UBAP1: variants seen among roughly 807,000 people sequenced by gnomAD.
UBAP1 encodes ubiquitin-associated protein 1.
Under a neutral mutation model 39.0 loss-of-function variants are expected in UBAP1, and 5 were observed. The observed-to-expected ratio is 0.13, with a 90% CI of 0.07 to 0.27. The LOEUF (loss-of-function observed/expected upper bound fraction) is 0.27, where lower values mean the gene tolerates loss of function less well. Ranked by LOEUF, UBAP1 falls within the 10% of genes least tolerant of loss-of-function variation. The pLI is 1.00. For synonymous variants in UBAP1, 211 were observed against 225.1 expected (o/e 0.94, Z 0.56); for missense variants, 490 against 608.1 (o/e 0.81, Z 2.04).
intron 2 of UBAP1, among the ~76,000 whole-genome samples, chr9:34,229,260 CTT>C (rs1263815683): frequency 1.6e-4 from 23 of 141,372 alleles, no homozygotes; most frequent in Non-Finnish European, 1.4e-4. Context: ...GGATTTTTAT[CTT>C]TTTTTTTTTT....
chr9:34,223,644 G>C (rs1832879888), intron 2 of UBAP1, among the ~76,000 whole-genome samples: 1 of 151,972 alleles, frequency 6.6e-6, no homozygotes, highest in Non-Finnish European at 1.5e-5. Context: ...TTTAGTAGAG[G>C]CGGGGTTTTA....
chr9:34,209,651 T>C (rs1831907713), intron 1 of UBAP1, among the ~76,000 whole-genome samples: 1 of 152,368 alleles, frequency 6.6e-6, no homozygotes, highest in Non-Finnish European at 1.5e-5. Flanking sequence ...CACTGATTTA[T>C]TCTTTGTTCT....
Position 34,249,757 on chromosome 9 carries a change from A to C in UBAP1, c.1084-22A>C, listed in dbSNP as rs1020890485. 6 of 1,610,982 alleles carry C rather than the reference A, an allele frequency of 3.7e-6. No homozygotes were observed. The African/African-American group carries it at 8.0e-5, about 22-fold the overall frequency. ...TTGGGGGCCCAGGTCTTCTTGCCTT[A>C]ATCTTCTTGTTTTTCCACTAGGTCA... On this transcript the variant is annotated intron_variant, in intron 4 of 6. Coordinates refer to ENST00000297661, the MANE Select transcript of UBAP1 (RefSeq NM_016525.5).
At chr9:34,240,190 C>T (rs75558185) in intron 3 of UBAP1, among the ~76,000 whole-genome samples, 1 of 152,102 alleles carries the variant, frequency 6.6e-6, no homozygotes, top group Non-Finnish European at 1.5e-5. Context: ...GCCCAGTGAT[C>T]CCCCCATATG....
intron 3 of UBAP1, among the ~76,000 whole-genome samples, chr9:34,237,617 G>A (rs1425520737): frequency 1.3e-5 from 2 of 152,026 alleles, no homozygotes; most frequent in Non-Finnish European, 2.9e-5. Context: ...ACTCAGGGTG[G>A]AGTCTAGTGG....
At chr9:34,188,519 G>A (rs1038198402) in intron 1 of UBAP1, among the ~76,000 whole-genome samples, 4 of 148,394 alleles carry the variant, frequency 2.7e-5, no homozygotes, top group African/African-American at 5.0e-5. Context: ...CACCTGCTTC[G>A]GCCTCCCCAA....
chr9:34,220,587 A>C, intron 1 of UBAP1: 1 of 207,456 alleles, frequency 4.8e-6, no homozygotes. Flanking sequence ...CGGCCTCACA[A>C]AGTACTGGGA....
intron 6 of UBAP1, 148 bp downstream of exon 6, chr9:34,250,907 T>G: frequency 1.4e-6 from 1 of 718,290 alleles, no homozygotes; most frequent in Non-Finnish European, 2.5e-6. Context: ...TCCCAAGTAT[T>G]CAGACAGGCC....
chr9:34,182,164 A>ATTTATTTG (rs1409992699), intron 1 of UBAP1, among the ~76,000 whole-genome samples: 2 of 52,490 alleles, frequency 3.8e-5, no homozygotes, highest in African/African-American at 1.1e-4. Context: ...CCTGACGTTT[A>ATTTATTTG]TTTATTTATT....
rs567913618 is a variant in UBAP1, at chr9:34,207,992, A to G, written c.-7-12916A>G. 8.3e-4 allele frequency among the ~76,000 whole-genome samples: 127 copies of G among 152,260 alleles called. 2 individuals are homozygous for G. The highest frequency in any genetic ancestry group is 3.4e-3 in the Middle Eastern group (1 of 294). The stretch of plus-strand genomic sequence containing the variant: ...TTGTCTTGTTGCTGTCCTTCGTGGG[A>G]ATACTTCTGTAGTCTCCCCACTAGT... On this transcript the variant is annotated intron_variant, in intron 1 of 6. Transcript: ENST00000297661.
chr9:34,190,402 G>T (rs1048633826), intron 1 of UBAP1, among the ~76,000 whole-genome samples: 3 of 151,904 alleles, frequency 2.0e-5, no homozygotes, highest in African/African-American at 7.3e-5. Context: ...CGATTCTCCT[G>T]CCTCAGCCTC....
In UBAP1 at chr9:34,224,417, A is replaced by G. The variant is rs555669222; in HGVS notation, c.34+3469A>G. ...TCGATGATCCTTGTTTTGCAAATAC[A>G]ACGCTGAGCCCCAGGAGAAATTCCC... On this transcript the variant is annotated intron_variant, in intron 2 of 6. Coordinates refer to ENST00000297661, the MANE Select transcript of UBAP1 (RefSeq NM_016525.5). 2.2e-5 allele frequency: 9 copies of G among 407,610 alleles called. No individual in the cohort carries two copies. In the East Asian group the frequency reaches 3.5e-4, roughly 16 times the overall value. The allele number at this position is 407,610 out of a possible 1,614,324, so 25.2% of individuals were successfully genotyped here. A position where few individuals can be genotyped will look rare whatever the true frequency, so the allele number is the denominator to read the frequency against.
chr9:34,246,021 T>C (rs554022840), intron 4 of UBAP1, among the ~76,000 whole-genome samples: 2 of 152,304 alleles, frequency 1.3e-5, no homozygotes, highest in Admixed American at 6.5e-5. Flanking sequence ...ATAAGAAATA[T>C]ATTGTCCACT....
intron 1 of UBAP1, among the ~76,000 whole-genome samples, chr9:34,182,171 T>TATTC (rs1311348499): frequency 7.1e-6 from 1 of 141,074 alleles, no homozygotes; most frequent in African/African-American, 3.0e-5. Context: ...TTTATTTATT[T>TATTC]ATTTATTTAT....
At chr9:34,200,864 T>A (rs779497431) in intron 1 of UBAP1, among the ~76,000 whole-genome samples, 37 of 152,224 alleles carry the variant, frequency 2.4e-4, no homozygotes, top group Non-Finnish European at 4.3e-4. Flanking sequence ...TTATTTTTGC[T>A]TAATTGTGAG....
At chr9:34,233,062 T>C (rs956561442) in intron 2 of UBAP1, among the ~76,000 whole-genome samples, 3 of 152,170 alleles carry the variant, frequency 2.0e-5, no homozygotes, top group Non-Finnish European at 4.4e-5. Flanking sequence ...CTGTAGGAGA[T>C]TAAAGCAGCT....
At chr9:34,203,624 GATTAA>G (rs1831522920) in intron 1 of UBAP1, among the ~76,000 whole-genome samples, 1 of 152,158 alleles carries the variant, frequency 6.6e-6, no homozygotes, top group African/African-American at 2.4e-5. Context: ...TGTTGGAATA[GATTAA>G]ATAAAATAGG....
At chr9:34,182,200 A>ATTTT (rs58102579) in intron 1 of UBAP1, among the ~76,000 whole-genome samples, 6,009 of 100,582 alleles carry the variant, frequency 0.06, 653 homozygotes, top group African/African-American at 0.12. Flanking sequence ...TTATTTATTT[A>ATTTT]TTGAGACTGA....
intron 1 of UBAP1, among the ~76,000 whole-genome samples, chr9:34,195,927 G>GTTTTTTTTTTTTTTTTTTTTT (rs57040252): frequency 2.8e-5 from 1 of 36,156 alleles, no homozygotes; most frequent in South Asian, 1.6e-3. Context: ...AAATTTTTTG[G>GTTTTTTTTTTTTTTTTTTTTT]TTTTTTTTTT....
Sources: gnomAD v4.1 joint callset for allele counts (sites outside exome capture counted in the v4.1 genomes callset) on GRCh38, gnomAD v4.1.1 for gene constraint, MANE v1.5 for transcripts, NCBI Gene and HGNC (gene_info 2026-07-23, HGNC 2026-07-21) for gene names.